The following COL21A1 variants were observed in gnomAD, a reference collection of about 807,000 sequenced individuals.
COL21A1 encodes collagen type XXI alpha 1 chain.
Under a neutral mutation model 137.9 loss-of-function variants are expected in COL21A1, and 149 were observed. That is an observed-to-expected ratio of 1.08 (90% CI 0.95 to 1.24). COL21A1 has a LOEUF of 1.24. Among genes scored for constraint, COL21A1 ranks in the 50% most tolerant of loss-of-function variants. COL21A1 has a pLI of 0.00. For missense variants in COL21A1, 1,167 were observed against 1,158.4 expected (o/e 1.01, Z -0.11); for synonymous variants, 456 against 391.5 (o/e 1.16, Z -1.95).
intron 1 of COL21A1, among the ~76,000 whole-genome samples, chr6:56,280,049 A>C (rs1024019091): frequency 6.6e-6 from 1 of 152,158 alleles, no homozygotes; most frequent in Non-Finnish European, 1.5e-5. Flanking sequence ...ATCTTTCACT[A>C]CATACGTTAC....
At chr6:56,313,146 A>C (rs973495790) in intron 1 of COL21A1, among the ~76,000 whole-genome samples, 1 of 152,154 alleles carries the variant, frequency 6.6e-6, no homozygotes, top group African/African-American at 2.4e-5. Context: ...GCCAAAGTAC[A>C]GGGCAAGTGG....
At position 56,179,699 on chromosome 6, in the gene COL21A1, T is replaced by G. The variant is rs757149868; in HGVS notation, c.519A>C (p.Glu173Asp). The change falls in exon 3 of 30, where the codon GAA (glutamate) becomes GAC (aspartate). Residue 173 changes from glutamate (E) to aspartate (D), a missense_variant. By Grantham distance (45) the Glu-to-Asp change is conservative. Transcript: ENST00000244728. ...TAGCTCTAAGTTCGGCATCTTCTGTTTCTGAACCAACACCAATAGCAAATA... is the reference window on the plus strand; with the variant it reads ...TAGCTCTAAGTTCGGCATCTTCTGTGTCTGAACCAACACCAATAGCAAATA... ...ITLFAIGVGSETEDAELRAIA... is the reference protein window; with the variant it reads ...ITLFAIGVGSDTEDAELRAIA... 6.2e-7 allele frequency: 1 copy of G among 1,613,880 alleles called. No homozygotes were observed. The highest frequency in any genetic ancestry group is 1.1e-5 in the South Asian group (1 of 91,078).
intron 1 of COL21A1, among the ~76,000 whole-genome samples, chr6:56,274,626 A>G (rs1400617718): frequency 2.0e-5 from 3 of 152,112 alleles, no homozygotes; most frequent in Non-Finnish European, 4.4e-5. Context: ...GCTACACACA[A>G]AAAAGAAAAA....
intron 2 of COL21A1, among the ~76,000 whole-genome samples, chr6:56,181,182 G>C (rs1311278364): frequency 1.3e-5 from 2 of 152,208 alleles, no homozygotes; most frequent in African/African-American, 2.4e-5. Flanking sequence ...TTCTACTGCA[G>C]GTGGTAGTAT....
At chr6:56,077,079 T>C (rs1289537059) in intron 18 of COL21A1, among the ~76,000 whole-genome samples, 4 of 151,372 alleles carry the variant, frequency 2.6e-5, no homozygotes, top group Non-Finnish European at 5.9e-5. Context: ...AAGAAAATCT[T>C]CAATTTACTA....
chr6:56,186,830 T>C (rs556025790), intron 1 of COL21A1, among the ~76,000 whole-genome samples: 1 of 152,290 alleles, frequency 6.6e-6, no homozygotes, highest in East Asian at 1.9e-4. Context: ...AAAGACTCAA[T>C]ATTATTAACA....
At chr6:56,239,151 GTAA>G (rs1782102346) in intron 1 of COL21A1, among the ~76,000 whole-genome samples, 1 of 152,102 alleles carries the variant, frequency 6.6e-6, no homozygotes, top group Non-Finnish European at 1.5e-5. Flanking sequence ...TTCACAAGGA[GTAA>G]TAATATTTTC....
chr6:56,248,054 T>C (rs138593656), upstream of COL21A1, among the ~76,000 whole-genome samples: 1,875 of 152,310 alleles, frequency 0.012, 16 homozygotes, highest in Non-Finnish European at 0.019. Context: ...AATAGTCAAG[T>C]AGGCAGTGAC....
intron 1 of COL21A1, among the ~76,000 whole-genome samples, chr6:56,291,217 G>A (rs1231458686): frequency 1.3e-5 from 2 of 152,126 alleles, no homozygotes; most frequent in South Asian, 4.1e-4. Context: ...TATTATGGAG[G>A]TAACAATTGC....
intron 16 of COL21A1, among the ~76,000 whole-genome samples, chr6:56,111,955 A>T (rs1484628760): frequency 6.6e-6 from 1 of 152,036 alleles, no homozygotes; most frequent in Non-Finnish European, 1.5e-5. Context: ...ACTAAAAATA[A>T]TATGGAATTT....
intron 1 of COL21A1, among the ~76,000 whole-genome samples, chr6:56,378,090 G>T (rs2094002781): frequency 6.6e-6 from 1 of 152,178 alleles, no homozygotes; most frequent in South Asian, 2.1e-4. Flanking sequence ...TACGTGGAGG[G>T]CCATAGGTGA....
At chr6:56,241,813 G>A (rs1462062548) in intron 1 of COL21A1, among the ~76,000 whole-genome samples, 3 of 152,148 alleles carry the variant, frequency 2.0e-5, no homozygotes, top group East Asian at 1.9e-4. Context: ...GCTTGTTGAG[G>A]TTTTTAAATT....
At chr6:56,264,533 C>T (rs1037840363) in intron 1 of COL21A1, among the ~76,000 whole-genome samples, 40 of 152,188 alleles carry the variant, frequency 2.6e-4, no homozygotes, top group African/African-American at 9.2e-4. Flanking sequence ...TACTGTCTCA[C>T]TAGAAGATTT....
chr6:56,164,426 G>T lies in COL21A1; in HGVS notation c.1368C>A (p.Pro456=). 6.3e-7 allele frequency: 1 copy of T among 1,576,772 alleles called. No individual in the cohort carries two copies. The highest frequency in any genetic ancestry group is 8.6e-7 in the Non-Finnish European group (1 of 1,159,236). ...CAGCAAGTTAGGTGTTACCCACTTT[G>T]GGGCCTTGAAGTCCTGGTTTTCCCG... ...CPPGKPGLQG[P]KGDPGLPGNP... The change falls in exon 9 of 30, where the codon CCC becomes CCA. Residue 456 remains proline (P), a synonymous_variant. Coordinates refer to ENST00000244728, the MANE Select transcript of COL21A1 (RefSeq NM_030820.4).
chr6:56,127,927 T>C (rs963926141), intron 12 of COL21A1, among the ~76,000 whole-genome samples: 2 of 152,150 alleles, frequency 1.3e-5, no homozygotes, highest in African/African-American at 2.4e-5. Context: ...TTTTCATCTA[T>C]AGAGAACTCA....
At chr6:56,365,195 A>T (rs575455818) in intron 1 of COL21A1, among the ~76,000 whole-genome samples, 3 of 152,164 alleles carry the variant, frequency 2.0e-5, no homozygotes, top group Non-Finnish European at 4.4e-5. Flanking sequence ...AATCTCTATT[A>T]ATCTTAAATA....
chr6:56,367,889 T>C (rs935299461), intron 1 of COL21A1, among the ~76,000 whole-genome samples: 3 of 152,186 alleles, frequency 2.0e-5, no homozygotes, highest in African/African-American at 7.2e-5. Context: ...TATTTTTTAA[T>C]TTTTTGTAGA....
chr6:56,328,261 T>G (rs1483762717), intron 1 of COL21A1, among the ~76,000 whole-genome samples: 1 of 152,122 alleles, frequency 6.6e-6, no homozygotes, highest in East Asian at 1.9e-4. Flanking sequence ...CATTAAAAAC[T>G]CTTAAATATA....
rs1775099211 is a variant in COL21A1 at position 56,149,335 on chromosome 6, C to CATTTTAGAAATTTA, written c.1435-7353_1435-7352insTAAATTTCTAAAAT. Among the ~76,000 whole-genome samples, 3 of 152,108 alleles carry CATTTTAGAAATTTA rather than the reference C, an allele frequency of 2.0e-5. No individual in the cohort carries two copies. In the South Asian group the frequency reaches 6.2e-4, roughly 32 times the overall value. On this transcript the variant is annotated intron_variant, in intron 10 of 29. Coordinates refer to ENST00000244728, the MANE Select transcript of COL21A1 (RefSeq NM_030820.4). ...AACATTACATTCTGGGGAAATTTTA[C>CATTTTAGAAATTTA]ATTTCTAAAAATTAAAAACAAAATT...
Sources: allele counts gnomAD v4.1 joint callset (sites outside exome capture counted in the v4.1 genomes callset), GRCh38; gene constraint gnomAD v4.1.1; transcripts MANE v1.5; gene names NCBI Gene and HGNC (gene_info 2026-07-23, HGNC 2026-07-21).